The following PCDH11Y variants were observed in gnomAD, a reference collection of about 807,000 sequenced individuals.
PCDH11Y encodes the protein protocadherin 11 Y-linked.
For synonymous variants in PCDH11Y, 9 were observed against 83.6 expected (o/e 0.11, Z 4.87); for missense variants, 12 against 224.8 (o/e 0.05, Z 6.05).
chrY:5,565,298 T>G, intron 3 of PCDH11Y, among the ~76,000 whole-genome samples: 1 of 33,128 alleles, frequency 3.0e-5, no homozygotes, highest in Non-Finnish European at 7.4e-5. Context: ...TTCCTTTAAT[T>G]ACATCAAATT....
chrY:5,420,922 C>A (rs71201670), intron 2 of PCDH11Y, among the ~76,000 whole-genome samples: 1 of 29,564 alleles, frequency 3.4e-5, no homozygotes, highest in Non-Finnish European at 8.0e-5. Context: ...AAAAAACAAC[C>A]CTTGACCAGG....
intron 2 of PCDH11Y, among the ~76,000 whole-genome samples, chrY:5,297,794 C>T (rs1602900763): frequency 3.0e-3 from 99 of 33,344 alleles, no homozygotes; most frequent in African/African-American, 0.01. Context: ...CTTCTGCCCT[C>T]CTCAATGCTT....
At chrY:5,329,435 T>C in intron 2 of PCDH11Y, among the ~76,000 whole-genome samples, 1 of 30,977 alleles carries the variant, frequency 3.2e-5, no homozygotes, top group Non-Finnish European at 7.8e-5. Flanking sequence ...GATTGGGGGG[T>C]TCTTGCCCCC....
At chrY:5,317,488 G>A in intron 2 of PCDH11Y, among the ~76,000 whole-genome samples, 1 of 32,959 alleles carries the variant, frequency 3.0e-5, no homozygotes, top group African/African-American at 1.2e-4. Context: ...GATGGGGGCA[G>A]TTTCTCATGG....
At chrY:5,311,961 G>A in intron 2 of PCDH11Y, among the ~76,000 whole-genome samples, 1 of 29,696 alleles carries the variant, frequency 3.4e-5, no homozygotes, top group Non-Finnish European at 8.1e-5. Context: ...AAAGTGCTGG[G>A]ATTACAGGCG....
intron 4 of PCDH11Y, among the ~76,000 whole-genome samples, chrY:5,646,075 T>A: frequency 7.0e-5 from 2 of 28,730 alleles, no homozygotes; most frequent in Non-Finnish European, 1.6e-4. Context: ...ATAGCTAAGA[T>A]TTGTAAGCAA....
intron 2 of PCDH11Y, among the ~76,000 whole-genome samples, chrY:5,170,110 T>C (rs2124645457): frequency 1.6e-4 from 5 of 32,132 alleles, no homozygotes; most frequent in Admixed American, 5.8e-4. Flanking sequence ...TTTAAAATAA[T>C]GTACTAGGAA....
intron 4 of PCDH11Y, among the ~76,000 whole-genome samples, chrY:5,640,116 A>C: frequency 3.0e-5 from 1 of 32,985 alleles, no homozygotes; most frequent in East Asian, 8.0e-4. Context: ...CATCTGTTAA[A>C]ATTTTATCAT....
At chrY:5,657,697 G>C in intron 4 of PCDH11Y, among the ~76,000 whole-genome samples, 2 of 32,187 alleles carry the variant, frequency 6.2e-5, no homozygotes, top group Admixed American at 5.8e-4. Context: ...TAGTGAAAGT[G>C]ATTTTCTCTG....
At chrY:5,263,109 G>T in intron 2 of PCDH11Y, among the ~76,000 whole-genome samples, 5 of 33,975 alleles carry the variant, frequency 1.5e-4, no homozygotes, top group African/African-American at 2.3e-4. Flanking sequence ...GAAATGCCTG[G>T]ATGTCCAGGC....
chrY:5,224,540 C>G, intron 2 of PCDH11Y, among the ~76,000 whole-genome samples: 3 of 31,747 alleles, frequency 9.4e-5, no homozygotes, highest in African/African-American at 3.7e-4. Context: ...AGGTTAATGA[C>G]TGAAGAAATG....
chrY:5,111,831 T>G, intron 2 of PCDH11Y, among the ~76,000 whole-genome samples: 1 of 34,513 alleles, frequency 2.9e-5, no homozygotes, highest in Non-Finnish European at 7.3e-5. Context: ...TCTTTTTAGG[T>G]GTCTGAACTG....
intron 2 of PCDH11Y, among the ~76,000 whole-genome samples, chrY:5,384,629 C>G: frequency 3.6e-5 from 1 of 27,864 alleles, no homozygotes; most frequent in South Asian, 8.6e-4. Context: ...TGTCAAAAAC[C>G]AAATTACAAT....
intron 2 of PCDH11Y, among the ~76,000 whole-genome samples, chrY:5,210,898 G>T (rs2052937902): frequency 6.0e-5 from 2 of 33,314 alleles, no homozygotes; most frequent in Non-Finnish European, 1.5e-4. Flanking sequence ...ATTAAATTAT[G>T]TATGAATCAA....
At chrY:5,716,260 A>G in intron 4 of PCDH11Y, among the ~76,000 whole-genome samples, 1 of 32,788 alleles carries the variant, frequency 3.0e-5, no homozygotes, top group African/African-American at 1.2e-4. Flanking sequence ...AGAAATACAT[A>G]AAGTACATTT....
At chrY:5,124,688 G>A in intron 2 of PCDH11Y, among the ~76,000 whole-genome samples, 1 of 32,219 alleles carries the variant, frequency 3.1e-5, no homozygotes, top group Non-Finnish European at 7.6e-5. Flanking sequence ...ATCCTGATGA[G>A]TTCTGATCTC....
intron 2 of PCDH11Y, among the ~76,000 whole-genome samples, chrY:5,385,950 T>G: frequency 3.0e-5 from 1 of 33,511 alleles, no homozygotes; most frequent in African/African-American, 1.2e-4. Flanking sequence ...TCTCCCACTC[T>G]GTAAGATTTG....
intron 4 of PCDH11Y, among the ~76,000 whole-genome samples, chrY:5,675,138 A>C: frequency 2.9e-5 from 1 of 34,050 alleles, no homozygotes; most frequent in Non-Finnish European, 7.3e-5. Flanking sequence ...TGGAGGCCTC[A>C]GGAAACTTAC....
intron 2 of PCDH11Y, among the ~76,000 whole-genome samples, chrY:5,438,432 T>A: frequency 3.0e-5 from 1 of 33,217 alleles, no homozygotes; most frequent in African/African-American, 1.2e-4. Context: ...GACAACCTGT[T>A]GCTGGAAGGC....
Sources: allele counts gnomAD v4.1 joint callset (sites outside exome capture counted in the v4.1 genomes callset), GRCh38; gene constraint gnomAD v4.1.1; transcripts MANE v1.5; gene names NCBI Gene and HGNC (gene_info 2026-07-23, HGNC 2026-07-21).